PACRGL: variants seen among roughly 807,000 people sequenced by gnomAD.
The protein encoded by PACRGL is PACRG-like protein.
Under a neutral mutation model 34.5 loss-of-function variants are expected in PACRGL, and 38 were observed. The ratio of observed to expected loss-of-function variants is 1.10; its 90% CI spans 0.85 to 1.44. PACRGL has a LOEUF of 1.44. Among genes scored for constraint, PACRGL ranks in the 40% most tolerant of loss-of-function variants. The pLI, the probability that PACRGL is intolerant of heterozygous loss-of-function variation, is 0.00. For missense variants in PACRGL, 305 were observed against 281.4 expected (o/e 1.08, Z -0.60); for synonymous variants, 128 against 100.1 (o/e 1.28, Z -1.66).
At chr4:20,718,315 C>G (rs533748436) in intron 7 of PACRGL, among the ~76,000 whole-genome samples, 1 of 152,014 alleles carries the variant, frequency 6.6e-6, no homozygotes, top group Admixed American at 6.6e-5. Flanking sequence ...AATTGAATAC[C>G]CTTTATTTCT....
At chr4:20,715,373 T>C (rs1051577417) in intron 7 of PACRGL, among the ~76,000 whole-genome samples, 2 of 151,872 alleles carry the variant, frequency 1.3e-5, no homozygotes, top group Non-Finnish European at 2.9e-5. Flanking sequence ...TGTATACATA[T>C]GTAACTAACC....
chr4:20,734,558 C>A, downstream of PACRGL: 6 of 731,066 alleles, frequency 8.2e-6, no homozygotes, highest in South Asian at 7.8e-5. Context: ...TTAATAATTG[C>A]AATTAATATT....
chr4:20,747,815 G>A (rs1752688197), intron 8 of PACRGL, among the ~76,000 whole-genome samples: 1 of 152,076 alleles, frequency 6.6e-6, no homozygotes, highest in Admixed American at 6.6e-5. Flanking sequence ...TCCTGCCCCT[G>A]TGGTGACTGG....
rs1301920967 is a variant in PACRGL at position 20,730,068 on chromosome 4, A to G, written c.*2727A>G. 2 of 1,605,392 alleles carry G rather than the reference A, an allele frequency of 1.2e-6. No individual in the cohort carries two copies. The highest frequency in any genetic ancestry group is 8.5e-7 in the Non-Finnish European group (1 of 1,177,134). On this transcript the variant is annotated 3_prime_UTR_variant, in exon 9 of 9. Transcript: ENST00000503585. ...TTCACATTTGTCTGTTGGATTCAGG[A>G]TCTATTTGACAAGTTAAATCACATT...
intron 7 of PACRGL, among the ~76,000 whole-genome samples, chr4:20,722,905 A>G (rs1193413950): frequency 6.6e-6 from 1 of 152,238 alleles, no homozygotes; most frequent in African/African-American, 2.4e-5. Flanking sequence ...CAGCTGAGGT[A>G]TGATTTTGAT....
downstream of PACRGL, chr4:20,732,820 A>C (rs778592981): frequency 8.0e-7 from 1 of 1,252,838 alleles, no homozygotes; most frequent in East Asian, 2.3e-5. Flanking sequence ...GAGGCTGCAC[A>C]CATGTATGAA....
chr4:20,712,944 A>G (rs1737994888), intron 6 of PACRGL, 22 bp downstream of exon 6: 2 of 1,492,356 alleles, frequency 1.3e-6, no homozygotes, highest in African/African-American at 1.4e-5. Context: ...ATTTCATTGT[A>G]CTTTATATTT....
chr4:20,707,774 G>A (rs747167294), intron 3 of PACRGL, 29 bp from the exon 4 acceptor site: 18 of 1,590,350 alleles, frequency 1.1e-5, no homozygotes, highest in Non-Finnish European at 1.6e-5. Flanking sequence ...AAGTATAGGT[G>A]ATAGTAATAT....
At chr4:20,752,981 G>GA (rs1753905481), downstream of PACRGL, 1 of 152,182 alleles carries the variant, frequency 6.6e-6, no homozygotes, top group South Asian at 2.1e-4. Context: ...CTCCGTCTAT[G>GA]ACCTCTTCGT....
chr4:20,714,995 C>T (rs1380824367), intron 7 of PACRGL, among the ~76,000 whole-genome samples: 15 of 152,034 alleles, frequency 9.9e-5, no homozygotes, highest in African/African-American at 3.1e-4. Context: ...CGTGGCACTA[C>T]TCAAAATAGC....
At position 20,718,238 on chromosome 4, in the gene PACRGL, G is replaced by C. The variant is rs189167286; in HGVS notation, c.609+4699G>C. 6.3e-3 allele frequency among the ~76,000 whole-genome samples: 965 copies of C among 152,238 alleles called. 8 individuals carry two copies. Among genetic ancestry groups the C allele is most frequent in the African/African-American group, 0.022 (919 of 41,538 alleles). On this transcript the variant is annotated intron_variant, in intron 7 of 8. Coordinates refer to ENST00000503585, the MANE Select transcript of PACRGL (RefSeq NM_001258345.3). ...GCTTAAGGAGATTTTGGGCTGAGAC[G>C]ATGGGGTTTTCTAGATATACAATCA... is the stretch of plus-strand genomic sequence containing the variant.
intron 8 of PACRGL, among the ~76,000 whole-genome samples, chr4:20,726,438 T>G (rs1479439668): frequency 1.3e-5 from 2 of 152,190 alleles, no homozygotes. Flanking sequence ...TAATAATGAT[T>G]GATGTAATTG....
chr4:20,738,895 T>C (rs1026706496), intron 8 of PACRGL, among the ~76,000 whole-genome samples: 1 of 152,104 alleles, frequency 6.6e-6, no homozygotes, highest in Non-Finnish European at 1.5e-5. Context: ...CTGCCAATAT[T>C]GTGCTTTTCC....
chr4:20,759,576 A>G, the PACRGL span, among the ~76,000 whole-genome samples: 6 of 152,156 alleles, frequency 3.9e-5, no homozygotes, highest in African/African-American at 1.4e-4. Flanking sequence ...CCCATGTTGG[A>G]CAACTGACCT....
downstream of PACRGL, chr4:20,734,804 TGTAA>T (rs566390667): frequency 7.8e-4 from 537 of 690,220 alleles, 3 homozygotes; most frequent in African/African-American, 9.6e-3. Context: ...AAACAAATGA[TGTAA>T]GTAAGGGCTA....
intron 8 of PACRGL, among the ~76,000 whole-genome samples, chr4:20,751,303 A>G (rs1753576106): frequency 6.6e-6 from 1 of 152,216 alleles, no homozygotes. Context: ...TCCATCCAGT[A>G]TTGATACATT....
At chr4:20,715,986 C>A in intron 7 of PACRGL, 1 of 861,110 alleles carries the variant, frequency 1.2e-6, no homozygotes, top group Non-Finnish European at 1.7e-6. Context: ...TATATGTTAC[C>A]AAACATGTTT....
chr4:20,739,453 G>C (rs1475564107), intron 8 of PACRGL, among the ~76,000 whole-genome samples: 2 of 152,130 alleles, frequency 1.3e-5, no homozygotes, highest in African/African-American at 4.8e-5. Context: ...AGGCAAACAG[G>C]GTCTGGAGTG....
At chr4:20,736,421 C>T (rs1029976898), downstream of PACRGL, among the ~76,000 whole-genome samples, 1 of 151,916 alleles carries the variant, frequency 6.6e-6, no homozygotes, top group Admixed American at 6.6e-5. Flanking sequence ...ATATTCTAAA[C>T]TAGTTGTTTG....
Sources: allele counts gnomAD v4.1 joint callset (sites outside exome capture counted in the v4.1 genomes callset), GRCh38; gene constraint gnomAD v4.1.1; transcripts MANE v1.5; gene names NCBI Gene and HGNC (gene_info 2026-07-23, HGNC 2026-07-21).